TRABD2B: variants seen among roughly 807,000 people sequenced by gnomAD.
The protein encoded by TRABD2B is metalloprotease TIKI2.
Under a neutral mutation model 40.1 loss-of-function variants are expected in TRABD2B, and 14 were observed. The observed-to-expected ratio is 0.35, with a 90% confidence interval of 0.23 to 0.55. The LOEUF is 0.55. Among genes scored for constraint, TRABD2B ranks in the 20% least tolerant of loss-of-function variants. The probability of loss-of-function intolerance (pLI) is 0.90; values close to 1 mark genes in which losing one functional copy is unlikely to be tolerated. For missense variants in TRABD2B, 541 were observed against 648.6 expected, an observed-to-expected ratio of 0.83 and a Z score of 1.80; for synonymous variants, 263 against 277.0, an observed-to-expected ratio of 0.95 and a Z score of 0.50.
chr1:47,929,560 C>T (rs1645012612), intron 2 of TRABD2B, among the ~76,000 whole-genome samples: 1 of 152,198 alleles, frequency 6.6e-6, no homozygotes, highest in Admixed American at 6.5e-5. Context: ...ATCCTGTGCT[C>T]TCAAATCCCA....
At chr1:47,971,346 A>G (rs1467573904) in intron 2 of TRABD2B, among the ~76,000 whole-genome samples, 4 of 152,246 alleles carry the variant, frequency 2.6e-5, no homozygotes, top group South Asian at 2.1e-4. Flanking sequence ...AGCTCTCTCA[A>G]TACATGAGAA....
chr1:47,895,600 C>T (rs1644506827), intron 2 of TRABD2B, among the ~76,000 whole-genome samples: 2 of 152,344 alleles, frequency 1.3e-5, no homozygotes, highest in Non-Finnish European at 2.9e-5. Flanking sequence ...CCTGTTCAGA[C>T]TTTGTCACCC....
chr1:47,880,522 C>T (rs191805427), intron 2 of TRABD2B, among the ~76,000 whole-genome samples: 1 of 152,226 alleles, frequency 6.6e-6, no homozygotes, highest in African/African-American at 2.4e-5. Flanking sequence ...CAGCATGGAA[C>T]GCGGATACCA....
intron 2 of TRABD2B, among the ~76,000 whole-genome samples, chr1:47,897,399 G>A (rs77744576): frequency 0.024 from 3,612 of 152,168 alleles, 136 homozygotes; most frequent in African/African-American, 0.074. Flanking sequence ...AGTAACCTGC[G>A]GAATGGCCCT....
chr1:47,827,103 C>T (rs753771771), intron 2 of TRABD2B, among the ~76,000 whole-genome samples: 5 of 152,168 alleles, frequency 3.3e-5, no homozygotes, highest in South Asian at 2.1e-4. Context: ...GGATGCAGCA[C>T]GGGCCTCGCT....
At chr1:47,848,877 T>C (rs775607049) in intron 2 of TRABD2B, among the ~76,000 whole-genome samples, 41 of 152,216 alleles carry the variant, frequency 2.7e-4, no homozygotes, top group Non-Finnish European at 5.0e-4. Flanking sequence ...TCTTCTCAGG[T>C]AGTCACATGT....
chr1:47,864,806 C>G (rs976659725), intron 2 of TRABD2B, among the ~76,000 whole-genome samples: 1 of 152,106 alleles, frequency 6.6e-6, no homozygotes, highest in Admixed American at 6.5e-5. Context: ...AGTCATCTGC[C>G]TGGAATCCCT....
At chr1:47,922,723 T>A (rs1644918381) in intron 2 of TRABD2B, among the ~76,000 whole-genome samples, 1 of 152,220 alleles carries the variant, frequency 6.6e-6, no homozygotes, top group Admixed American at 6.5e-5. Flanking sequence ...CACTCAAATC[T>A]GTCCTCTTCT....
chr1:47,824,975 T>C lies in TRABD2B; in HGVS notation c.667-23356A>G, dbSNP rs1645155966. ...CCCTGGCTTTGCACTGTCTTCTTCA[T>C]GGTCAGAAGTCCCTGCGACGAGGAT... is the stretch of plus-strand genomic sequence containing the variant. On this transcript the variant is annotated intron_variant, in intron 2 of 6. Transcript: ENST00000606738. 2.0e-5 allele frequency among the ~76,000 whole-genome samples: 3 copies of C among 152,176 alleles called. No individual in the cohort carries two copies. In the South Asian group the frequency reaches 6.2e-4, roughly 32 times the overall value.
chr1:47,902,197 C>T (rs1421158326), intron 2 of TRABD2B, among the ~76,000 whole-genome samples: 1 of 152,210 alleles, frequency 6.6e-6, no homozygotes, highest in African/African-American at 2.4e-5. Context: ...ACTGCTTTCT[C>T]ATAGGACCCT....
chr1:47,793,208 C>T (rs905266385), intron 4 of TRABD2B, among the ~76,000 whole-genome samples: 1 of 152,156 alleles, frequency 6.6e-6, no homozygotes, highest in African/African-American at 2.4e-5. Context: ...TCTTCCTGTT[C>T]AGATGGGTAA....
At chr1:47,954,104 C>T (rs891181964) in intron 2 of TRABD2B, among the ~76,000 whole-genome samples, 1 of 152,158 alleles carries the variant, frequency 6.6e-6, no homozygotes, top group African/African-American at 2.4e-5. Flanking sequence ...ATGCAAGTAA[C>T]AAGGAAAGGC....
intron 2 of TRABD2B, among the ~76,000 whole-genome samples, chr1:47,810,445 G>A (rs1197785590): frequency 6.6e-6 from 1 of 152,174 alleles, no homozygotes; most frequent in African/African-American, 2.4e-5. Flanking sequence ...AGGTCTGAAG[G>A]AGATGAGGGA....
At chr1:47,894,060 C>T (rs1046054654) in intron 2 of TRABD2B, among the ~76,000 whole-genome samples, 6 of 152,172 alleles carry the variant, frequency 3.9e-5, no homozygotes, top group Non-Finnish European at 7.3e-5. Context: ...TCTTTCTTTA[C>T]TTCAGTAATT....
chr1:47,942,125 T>G lies in TRABD2B; in HGVS notation c.666+51909A>C, dbSNP rs536367388. On this transcript the variant is annotated intron_variant, in intron 2 of 6. Transcript: ENST00000606738. ...ACCTGGTACTGGGAGTAAATCTGAC[T>G]GCATTATGGTCTCTCTGAATTAGGT... Among the ~76,000 whole-genome samples the G allele has an allele frequency of 1.5e-4, 23 of 152,310 alleles. No homozygotes were observed. The East Asian group carries it at 3.1e-3, about 20-fold the overall frequency.
intron 2 of TRABD2B, among the ~76,000 whole-genome samples, chr1:47,815,299 C>T (rs1355502652): frequency 6.6e-6 from 1 of 152,206 alleles, no homozygotes; most frequent in Admixed American, 6.5e-5. Context: ...CTATCCAAGG[C>T]CTCCTTGTTG....
intron 2 of TRABD2B, among the ~76,000 whole-genome samples, chr1:47,960,455 T>C (rs1645495618): frequency 1.3e-5 from 2 of 152,192 alleles, no homozygotes; most frequent in African/African-American, 4.8e-5. Context: ...TGATTGTATA[T>C]TTAGAAAACC....
intron 2 of TRABD2B, among the ~76,000 whole-genome samples, chr1:47,868,769 C>T (rs756668214): frequency 2.0e-4 from 30 of 152,284 alleles, no homozygotes; most frequent in Non-Finnish European, 2.9e-4. Context: ...CTCTAAAGCA[C>T]GGTCCAGACT....
chr1:47,940,422 TTATTA>T (rs1645170836), intron 2 of TRABD2B, among the ~76,000 whole-genome samples: 1 of 152,210 alleles, frequency 6.6e-6, no homozygotes, highest in African/African-American at 2.4e-5. Flanking sequence ...ACAGGGACTA[TTATTA>T]TATAATACTT....
Sources: gnomAD v4.1 joint callset for allele counts (sites outside exome capture counted in the v4.1 genomes callset) on GRCh38, gnomAD v4.1.1 for gene constraint, MANE v1.5 for transcripts, NCBI Gene and HGNC (gene_info 2026-07-23, HGNC 2026-07-21) for gene names.